The following ST7 variants were observed in gnomAD, a reference collection of about 807,000 sequenced individuals.
ST7 encodes suppressor of tumorigenicity 7 protein.
In ST7, 28 loss-of-function variants were observed where a neutral mutation model predicts 78.7. The ratio of observed to expected loss-of-function variants is 0.36; its 90% CI spans 0.26 to 0.49. The LOEUF is 0.49. Among genes scored for constraint, ST7 ranks in the 20% least tolerant of loss-of-function variants. The probability of loss-of-function intolerance (pLI) is 0.99; values close to 1 mark genes in which losing one functional copy is unlikely to be tolerated. For missense variants in ST7, 418 were observed against 696.0 expected (o/e 0.60, Z 4.49); for synonymous variants, 247 against 249.6 (o/e 0.99, Z 0.10).
At chr7:117,187,363 T>A (rs1172699092) in intron 10 of ST7, among the ~76,000 whole-genome samples, 1 of 152,184 alleles carries the variant, frequency 6.6e-6, no homozygotes, top group East Asian at 1.9e-4. Context: ...TTATTTTTTT[T>A]AAGCATTTTT....
chr7:117,020,203 A>C, intron 1 of ST7: 1 of 199,860 alleles, frequency 5.0e-6, no homozygotes, highest in East Asian at 1.1e-4. Flanking sequence ...CAGCGTATGC[A>C]TAAGCCCTGC....
intron 10 of ST7, among the ~76,000 whole-genome samples, chr7:117,180,441 T>C (rs1220263681): frequency 6.6e-6 from 1 of 152,222 alleles, no homozygotes; most frequent in Non-Finnish European, 1.5e-5. Flanking sequence ...GCCTTGTTGA[T>C]ACTTCAGTTA....
chr7:117,167,037 G>T (rs961452380), intron 9 of ST7, among the ~76,000 whole-genome samples: 1 of 151,548 alleles, frequency 6.6e-6, no homozygotes, highest in African/African-American at 2.4e-5. Flanking sequence ...AGAGAAAAGA[G>T]GAGATGGTAA....
chr7:117,012,606 C>T (rs1419721142), intron 1 of ST7, among the ~76,000 whole-genome samples: 1 of 151,740 alleles, frequency 6.6e-6, no homozygotes, highest in Non-Finnish European at 1.5e-5. Flanking sequence ...TAAACCAAGG[C>T]TCAGAGAGGT....
In ST7 at chr7:117,048,540, G is replaced by C. The variant is rs150299685; in HGVS notation, c.152-51222G>C. Among the ~76,000 whole-genome samples, 301 of 152,174 alleles carry C rather than the reference G, an allele frequency of 2.0e-3. 2 individuals are homozygous for C. The highest frequency in any genetic ancestry group is 6.2e-3 in the African/African-American group (256 of 41,514). On this transcript the variant is annotated intron_variant, in intron 1 of 15. Coordinates refer to ENST00000323984, the MANE Select transcript of ST7 (RefSeq NM_001369598.1). ...CCTTCTGTTTTATTCCTCTGGTGTG[G>C]TGTCTATTAGCTTTTGAATTTCTCC... is the stretch of plus-strand genomic sequence containing the variant.
At chr7:117,004,184 G>T (rs1451016757) in intron 1 of ST7, among the ~76,000 whole-genome samples, 3 of 152,130 alleles carry the variant, frequency 2.0e-5, no homozygotes, top group Non-Finnish European at 4.4e-5. Context: ...TTTTGGATAT[G>T]TAACAGTAAA....
Position 116,998,502 on chromosome 7 carries a change from C to T in ST7, c.151+44811C>T, listed in dbSNP as rs192220954. 8.9e-4 allele frequency among the ~76,000 whole-genome samples: 135 copies of T among 152,316 alleles called. 2 individuals are homozygous for T. The highest frequency in any genetic ancestry group is 7.4e-3 in the Admixed American group (113 of 15,300). ...GCGCGGCCAGAGTGGGCACCAAGGC[C>T]GAGGAGGTGCCGAGAGTGAGCAAGG... On this transcript the variant is annotated intron_variant, in intron 1 of 15. Coordinates refer to ENST00000323984, the MANE Select transcript of ST7 (RefSeq NM_001369598.1).
intron 1 of ST7, among the ~76,000 whole-genome samples, chr7:117,040,188 A>T (rs184006952): frequency 6.6e-6 from 1 of 152,036 alleles, no homozygotes; most frequent in African/African-American, 2.4e-5. Context: ...CCTGGCCAAC[A>T]TGGTGAAGCC....
At chr7:117,194,535 T>A (rs1810104432) in intron 12 of ST7, among the ~76,000 whole-genome samples, 1 of 152,234 alleles carries the variant, frequency 6.6e-6, no homozygotes, top group Non-Finnish European at 1.5e-5. Context: ...AAATTGGGGA[T>A]GTTAATGATG....
chr7:117,019,672 C>G (rs1373818185), intron 1 of ST7, among the ~76,000 whole-genome samples: 1 of 152,206 alleles, frequency 6.6e-6, no homozygotes, highest in Non-Finnish European at 1.5e-5. Context: ...TGAGTACTCA[C>G]TGTGTGCCAA....
chr7:117,172,508 T>C (rs1211028558), intron 10 of ST7, among the ~76,000 whole-genome samples: 1 of 152,228 alleles, frequency 6.6e-6, no homozygotes, highest in African/African-American at 2.4e-5. Context: ...GAGAAAAGTA[T>C]TTGTGGAGCA....
intron 2 of ST7, among the ~76,000 whole-genome samples, chr7:117,104,849 GGCATAAGAAATGTATT>G (rs112187306): frequency 1.8e-4 from 28 of 152,198 alleles, no homozygotes; most frequent in African/African-American, 6.7e-4. Context: ...TAAGAGAAAA[GGCATAAGAAATGTATT>G]ATTAACGTGC....
intron 1 of ST7, among the ~76,000 whole-genome samples, chr7:116,965,061 C>G (rs191463393): frequency 9.2e-5 from 14 of 152,188 alleles, no homozygotes; most frequent in Non-Finnish European, 2.1e-4. Context: ...CATGGACGGC[C>G]GGGCGCGGTG....
intron 9 of ST7, chr7:117,145,442 TC>T (rs1805690696): frequency 6.6e-6 from 1 of 152,062 alleles, no homozygotes; most frequent in Non-Finnish European, 1.5e-5. Context: ...GGCAGAGCCG[TC>T]CTCCCTCTAA....
At chr7:116,985,956 G>T (rs150547450) in intron 1 of ST7, among the ~76,000 whole-genome samples, 290 of 152,132 alleles carry the variant, frequency 1.9e-3, no homozygotes, top group African/African-American at 5.8e-3. Flanking sequence ...TCGCAGCCTC[G>T]CAAGTAGCTG....
intron 12 of ST7, among the ~76,000 whole-genome samples, chr7:117,204,011 G>A (rs1029687123): frequency 6.6e-6 from 1 of 152,196 alleles, no homozygotes; most frequent in African/African-American, 2.4e-5. Context: ...CTTGTGATGA[G>A]GACCCCTGAG....
chr7:117,050,884 C>T (rs934567073), intron 1 of ST7, among the ~76,000 whole-genome samples: 5 of 147,972 alleles, frequency 3.4e-5, no homozygotes, highest in Non-Finnish European at 7.4e-5. Flanking sequence ...GAGCCGAGAT[C>T]GAGCATCTGC....
chr7:117,064,647 T>C (rs894857895), intron 1 of ST7, among the ~76,000 whole-genome samples: 14 of 152,240 alleles, frequency 9.2e-5, no homozygotes, highest in African/African-American at 3.4e-4. Context: ...CCAATTCTCT[T>C]ATTTGTTGCT....
At chr7:116,965,580 A>T (rs974969229) in intron 1 of ST7, among the ~76,000 whole-genome samples, 2 of 152,148 alleles carry the variant, frequency 1.3e-5, no homozygotes, top group African/African-American at 4.8e-5. Flanking sequence ...AGTATAATAA[A>T]AATTTTTTTA....
Sources: allele counts gnomAD v4.1 joint callset (sites outside exome capture counted in the v4.1 genomes callset), GRCh38; gene constraint gnomAD v4.1.1; transcripts MANE v1.5; gene names NCBI Gene and HGNC (gene_info 2026-07-23, HGNC 2026-07-21).